Variants in SLC24A3 observed in about 807,000 individuals in gnomAD.
SLC24A3 encodes sodium/potassium/calcium exchanger 3.
SLC24A3 carries 28 observed loss-of-function variants against 75.8 expected under a neutral mutation model. The observed-to-expected ratio is 0.37, with a 90% CI of 0.27 to 0.51. The LOEUF is 0.51. Ranked by LOEUF, SLC24A3 falls within the 20% of genes least tolerant of loss-of-function variation. SLC24A3 has a pLI of 0.94. For missense variants in SLC24A3, 663 were observed against 847.8 expected, an observed-to-expected ratio of 0.78 and a Z score of 2.71; for synonymous variants, 372 against 334.1, an observed-to-expected ratio of 1.11 and a Z score of -1.24.
intron 1 of SLC24A3, among the ~76,000 whole-genome samples, chr20:19,239,251 G>A (rs78829527): frequency 0.013 from 1,930 of 152,154 alleles, 56 homozygotes; most frequent in African/African-American, 0.044. Context: ...GCCTAAGCCC[G>A]TATGAAGCAC....
At chr20:19,598,444 C>A (rs1039451787) in intron 6 of SLC24A3, among the ~76,000 whole-genome samples, 6 of 152,132 alleles carry the variant, frequency 3.9e-5, no homozygotes, top group African/African-American at 1.2e-4. Flanking sequence ...GGCTCTCCCT[C>A]CCCTGACCCA....
At chr20:19,230,099 G>T (rs1023578647) in intron 1 of SLC24A3, among the ~76,000 whole-genome samples, 1 of 150,606 alleles carries the variant, frequency 6.6e-6, no homozygotes, top group African/African-American at 2.5e-5. Flanking sequence ...TTTTACTTCA[G>T]ATGTTGCAGA....
At chr20:19,716,706 A>T (rs2033050205) in intron 15 of SLC24A3, among the ~76,000 whole-genome samples, 1 of 151,900 alleles carries the variant, frequency 6.6e-6, no homozygotes, top group Non-Finnish European at 1.5e-5. Context: ...ACGTAGTGAG[A>T]CCTAGTCTCT....
At chr20:19,536,580 C>A (rs1436654899) in intron 3 of SLC24A3, among the ~76,000 whole-genome samples, 1 of 152,146 alleles carries the variant, frequency 6.6e-6, no homozygotes, top group East Asian at 1.9e-4. Flanking sequence ...CAATCCTAAG[C>A]CAAAAGAACA....
At chr20:19,314,322 T>TTTTA (rs1234655295) in intron 2 of SLC24A3, among the ~76,000 whole-genome samples, 1 of 147,476 alleles carries the variant, frequency 6.8e-6, no homozygotes, top group Non-Finnish European at 1.5e-5. Flanking sequence ...TTTTATTTTA[T>TTTTA]TTTATTTTTG....
chr20:19,679,020 T>G (rs1272736750), intron 9 of SLC24A3, among the ~76,000 whole-genome samples: 2 of 135,426 alleles, frequency 1.5e-5, no homozygotes, highest in African/African-American at 5.7e-5. Flanking sequence ...CTTTCCAGAC[T>G]GGGCAGCCAG....
chr20:19,400,031 C>T (rs73128603), intron 2 of SLC24A3, among the ~76,000 whole-genome samples: 5,183 of 152,222 alleles, frequency 0.034, 124 homozygotes, highest in Non-Finnish European at 0.047. Flanking sequence ...CATGTCTCTA[C>T]GTAACTTTTG....
chr20:19,555,293 T>C (rs1303790793), intron 3 of SLC24A3, among the ~76,000 whole-genome samples: 1 of 152,088 alleles, frequency 6.6e-6, no homozygotes, highest in Non-Finnish European at 1.5e-5. Context: ...GGCTCAGTGG[T>C]GGCAGCAAAA....
At chr20:19,357,423 T>C (rs1039319863) in intron 2 of SLC24A3, among the ~76,000 whole-genome samples, 1 of 152,236 alleles carries the variant, frequency 6.6e-6, no homozygotes, top group Admixed American at 6.5e-5. Context: ...CACAAGTCTA[T>C]TGGGCATAGG....
Position 19,721,301 on chromosome 20 carries a change from C to G in SLC24A3, c.*161C>G. On this transcript the variant is annotated 3_prime_UTR_variant, in exon 17 of 17. Coordinates refer to ENST00000328041, the MANE Select transcript of SLC24A3 (RefSeq NM_020689.4). ...TTGGTGGCCCAGGCTCTCCCCTGAC[C>G]CATCCTCGCTCCCCCACCTCCTTGG... 2.6e-6 allele frequency: 2 copies of G among 769,934 alleles called. No individual in the cohort carries two copies. Among genetic ancestry groups the G allele is most frequent in the Non-Finnish European group, 4.0e-6 (2 of 497,850 alleles). The allele number at this position is 769,934 out of a possible 1,614,324, so 47.7% of individuals were successfully genotyped here. A position where few individuals can be genotyped will look rare whatever the true frequency, so the allele number is the denominator to read the frequency against.
chr20:19,607,278 C>T (rs1482823462), intron 6 of SLC24A3, among the ~76,000 whole-genome samples: 2 of 152,098 alleles, frequency 1.3e-5, no homozygotes, highest in African/African-American at 4.8e-5. Context: ...CTTTTCTCAC[C>T]CCAAATGGTA....
intron 3 of SLC24A3, among the ~76,000 whole-genome samples, chr20:19,570,470 C>G (rs570345720): frequency 1.3e-5 from 2 of 152,240 alleles, no homozygotes; most frequent in African/African-American, 2.4e-5. Context: ...GCACCTGGTA[C>G]TGGTTAGAAA....
chr20:19,289,566 C>T (rs753543251), intron 2 of SLC24A3, among the ~76,000 whole-genome samples: 45 of 152,232 alleles, frequency 3.0e-4, no homozygotes, highest in Non-Finnish European at 3.8e-4. Flanking sequence ...GGAACACCCA[C>T]CTTGGGGAGT....
chr20:19,678,567 TC>T (rs2032561257), intron 9 of SLC24A3, among the ~76,000 whole-genome samples: 1 of 138,748 alleles, frequency 7.2e-6, no homozygotes, highest in Non-Finnish European at 1.6e-5. Flanking sequence ...GAGGGGCTCC[TC>T]ACTTCCCAGT....
chr20:19,427,473 G>T (rs1427792350), intron 2 of SLC24A3, among the ~76,000 whole-genome samples: 1 of 152,224 alleles, frequency 6.6e-6, no homozygotes, highest in African/African-American at 2.4e-5. Context: ...TGTTTAGAAA[G>T]AAATCGATTT....
intron 15 of SLC24A3, among the ~76,000 whole-genome samples, chr20:19,703,710 C>A (rs1033497538): frequency 5.3e-5 from 8 of 152,296 alleles, no homozygotes; most frequent in Middle Eastern, 3.4e-3. Flanking sequence ...CTTTAATTTT[C>A]CAGAAGCTTT....
At chr20:19,512,248 G>A (rs1339530093) in intron 2 of SLC24A3, among the ~76,000 whole-genome samples, 1 of 152,210 alleles carries the variant, frequency 6.6e-6, no homozygotes, top group African/African-American at 2.4e-5. Context: ...TCCCTGAAGG[G>A]AGGAAAGGGA....
intron 2 of SLC24A3, among the ~76,000 whole-genome samples, chr20:19,485,327 G>A (rs1988112858): frequency 6.6e-6 from 1 of 152,178 alleles, no homozygotes; most frequent in South Asian, 2.1e-4. Context: ...GAATGAGGCA[G>A]CTGGACTGAT....
At chr20:19,623,513 C>T (rs1212492689) in intron 6 of SLC24A3, among the ~76,000 whole-genome samples, 1 of 152,132 alleles carries the variant, frequency 6.6e-6, no homozygotes, top group Non-Finnish European at 1.5e-5. Context: ...CAGCACAATG[C>T]CATCTAGAAT....
Sources: allele counts gnomAD v4.1 joint callset (sites outside exome capture counted in the v4.1 genomes callset), GRCh38; gene constraint gnomAD v4.1.1; transcripts MANE v1.5; gene names NCBI Gene and HGNC (gene_info 2026-07-23, HGNC 2026-07-21).